Variants in COMMD1 observed in about 807,000 individuals in gnomAD.
COMMD1 encodes copper metabolism domain containing 1.
A neutral mutation model predicts 17.2 loss-of-function variants in COMMD1; 10 were observed. The observed-to-expected ratio is 0.58, with a 90% CI of 0.36 to 0.99. The LOEUF (loss-of-function observed/expected upper bound fraction) is 0.99. COMMD1 is among the 50% of genes least tolerant of loss of function. The pLI is 0.01. For missense variants in COMMD1, 270 were observed against 231.8 expected, an observed-to-expected ratio of 1.17 and a Z score of -1.07; for synonymous variants, 97 against 91.6, an observed-to-expected ratio of 1.06 and a Z score of -0.34.
chr2:61,950,224 C>G (rs1018546079), intron 1 of COMMD1, among the ~76,000 whole-genome samples: 2 of 152,064 alleles, frequency 1.3e-5, no homozygotes, highest in African/African-American at 4.8e-5. Flanking sequence ...GGTCATAGGT[C>G]CTGGGATTTC....
intron 1 of COMMD1, among the ~76,000 whole-genome samples, chr2:61,927,544 C>T (rs1251653882): frequency 1.3e-5 from 2 of 152,020 alleles, no homozygotes; most frequent in Non-Finnish European, 2.9e-5. Context: ...AGATGCCCGC[C>T]CGCCACCATG....
At chr2:61,899,159 T>TA (rs1248536109) in intron 1 of COMMD1, among the ~76,000 whole-genome samples, 1 of 152,026 alleles carries the variant, frequency 6.6e-6, no homozygotes, top group African/African-American at 2.4e-5. Context: ...AAAGACACAT[T>TA]AAAAAAAATA....
intron 2 of COMMD1, among the ~76,000 whole-genome samples, chr2:62,032,100 T>C (rs1669923335): frequency 6.6e-6 from 1 of 152,222 alleles, no homozygotes; most frequent in African/African-American, 2.4e-5. Context: ...AATTGTGTGT[T>C]ATATATCTTG....
chr2:61,913,891 C>G (rs1222911045), intron 1 of COMMD1, among the ~76,000 whole-genome samples: 1 of 150,976 alleles, frequency 6.6e-6, no homozygotes, highest in Non-Finnish European at 1.5e-5. Context: ...TTGGAACCCC[C>G]CTGGGTGCGG....
At chr2:62,111,443 T>C (rs1573199067) in intron 2 of COMMD1, among the ~76,000 whole-genome samples, 1 of 152,202 alleles carries the variant, frequency 6.6e-6, no homozygotes, top group Non-Finnish European at 1.5e-5. Context: ...GGGTGTATTC[T>C]AATGGTAATA....
chr2:61,892,525 T>G (rs991393481), intron 1 of COMMD1, among the ~76,000 whole-genome samples: 2 of 151,864 alleles, frequency 1.3e-5, no homozygotes, highest in African/African-American at 2.4e-5. Flanking sequence ...AAACCCTGTC[T>G]CTACTAAAAA....
chr2:62,101,486 T>G (rs1672176076), intron 2 of COMMD1, among the ~76,000 whole-genome samples: 1 of 152,144 alleles, frequency 6.6e-6, no homozygotes, highest in Non-Finnish European at 1.5e-5. Context: ...GGCAGACACC[T>G]GTAGTTCTAG....
At chr2:61,958,576 T>C (rs954589095) in intron 1 of COMMD1, among the ~76,000 whole-genome samples, 2 of 152,162 alleles carry the variant, frequency 1.3e-5, no homozygotes, top group Non-Finnish European at 2.9e-5. Flanking sequence ...CACAAATGTT[T>C]ATTTTTATTT....
chr2:61,917,784 G>C (rs1243663795), intron 1 of COMMD1, among the ~76,000 whole-genome samples: 1 of 152,212 alleles, frequency 6.6e-6, no homozygotes, highest in African/African-American at 2.4e-5. Flanking sequence ...GCCCGCCTTG[G>C]CTTCCCAAAG....
chr2:62,118,721 T>C (rs1359413606), intron 2 of COMMD1, among the ~76,000 whole-genome samples: 2 of 152,264 alleles, frequency 1.3e-5, no homozygotes, highest in Non-Finnish European at 2.9e-5. Context: ...TAAATTAAAT[T>C]ACATTTCAAA....
chr2:61,993,328 A>T (rs1233951935), intron 1 of COMMD1, among the ~76,000 whole-genome samples: 2 of 152,244 alleles, frequency 1.3e-5, no homozygotes, highest in African/African-American at 2.4e-5. Context: ...ACTGAAAGTT[A>T]CAGGCATTTG....
At chr2:62,018,813 T>C (rs1669526031) in intron 2 of COMMD1, among the ~76,000 whole-genome samples, 1 of 152,174 alleles carries the variant, frequency 6.6e-6, no homozygotes, top group African/African-American at 2.4e-5. Flanking sequence ...CTGGATAATT[T>C]ATTGAGAACA....
At chr2:62,126,798 AT>A (rs2104089371) in intron 2 of COMMD1, among the ~76,000 whole-genome samples, 1 of 152,258 alleles carries the variant, frequency 6.6e-6, no homozygotes, top group East Asian at 1.9e-4. Flanking sequence ...AGCTGGAAGC[AT>A]TCCCCTTGAA....
At chr2:62,057,792 A>C (rs1004218731) in intron 2 of COMMD1, among the ~76,000 whole-genome samples, 3 of 151,620 alleles carry the variant, frequency 2.0e-5, no homozygotes, top group African/African-American at 7.3e-5. Flanking sequence ...GACTGGTCTC[A>C]AACTCCTGGG....
chr2:62,064,762 T>C (rs1670978617), intron 2 of COMMD1, among the ~76,000 whole-genome samples: 1 of 152,122 alleles, frequency 6.6e-6, no homozygotes, highest in South Asian at 2.1e-4. Flanking sequence ...TCAAAAGAGG[T>C]ATTTATTTAT....
intron 1 of COMMD1, among the ~76,000 whole-genome samples, chr2:61,966,863 T>C (rs1385277021): frequency 6.6e-6 from 1 of 151,932 alleles, no homozygotes; most frequent in Non-Finnish European, 1.5e-5. Context: ...TGTGATAAAA[T>C]AATAAGGCTT....
upstream of COMMD1, among the ~76,000 whole-genome samples, chr2:61,903,970 G>T (rs1402989234): frequency 6.6e-6 from 1 of 152,134 alleles, no homozygotes; most frequent in African/African-American, 2.4e-5. Context: ...TAAGCCTAAA[G>T]TCAAACTCTA....
At chr2:62,120,506 T>C (rs1672715080) in intron 2 of COMMD1, among the ~76,000 whole-genome samples, 1 of 152,144 alleles carries the variant, frequency 6.6e-6, no homozygotes, top group Non-Finnish European at 1.5e-5. Flanking sequence ...TTTGGTTTCT[T>C]TGAGATTTAA....
chr2:62,063,290 A>G (rs1670921687), intron 2 of COMMD1, among the ~76,000 whole-genome samples: 1 of 152,114 alleles, frequency 6.6e-6, no homozygotes, highest in Admixed American at 6.5e-5. Context: ...CTCAGCTACT[A>G]GGGAGCCTGA....
Sources: allele counts gnomAD v4.1 joint callset (sites outside exome capture counted in the v4.1 genomes callset), GRCh38; gene constraint gnomAD v4.1.1; transcripts MANE v1.5; gene names NCBI Gene and HGNC (gene_info 2026-07-23, HGNC 2026-07-21).